Variants in RNF125 observed in about 807,000 individuals in gnomAD.
RNF125 encodes the protein ring finger protein 125.
A neutral mutation model predicts 26.0 loss-of-function variants in RNF125; 21 were observed. The ratio of observed to expected loss-of-function variants is 0.81; its 90% CI spans 0.57 to 1.16. RNF125 has a LOEUF of 1.16. RNF125 is among the 50% of genes most tolerant of loss of function. The pLI is 0.00. For missense variants in RNF125, 270 were observed against 299.4 expected (o/e 0.90, Z 0.72); for synonymous variants, 95 against 109.2 (o/e 0.87, Z 0.81).
rs1241943131 is a variant in RNF125, at chr18:32,071,969, A to G, written c.*3585A>G. 6.6e-6 allele frequency: 1 copy of G among 152,170 alleles called. No homozygotes were observed. The highest frequency in any genetic ancestry group is 1.5e-5 in the Non-Finnish European group (1 of 68,050). The allele number at this position is 152,170 out of a possible 1,614,324, so 9.4% of individuals were successfully genotyped here. The stretch of plus-strand genomic sequence containing the variant: ...GGAGGCTGAGGTGGAGGGTCTCATG[A>G]GCCCAGGAGTTCAAGACCAACCTGG... On this transcript the variant is annotated 3_prime_UTR_variant, in exon 6 of 6. Coordinates refer to ENST00000217740, the MANE Select transcript of RNF125 (RefSeq NM_017831.4).
the RNF125 span, among the ~76,000 whole-genome samples, chr18:32,089,248 G>C: frequency 6.6e-6 from 1 of 152,150 alleles, no homozygotes; most frequent in African/African-American, 2.4e-5. Flanking sequence ...AAATTAGTCT[G>C]GCTAAAGAAA....
At chr18:32,035,917 C>G (rs2039147910) in intron 1 of RNF125, among the ~76,000 whole-genome samples, 1 of 152,154 alleles carries the variant, frequency 6.6e-6, no homozygotes, top group Non-Finnish European at 1.5e-5. Context: ...CTTTGGGAGG[C>G]TGAGGCAGGT....
In RNF125 at chr18:32,072,537, C is replaced by T. The variant is rs2039542253; in HGVS notation, c.*4153C>T. ...TGGATTCCTTTTATGATAATTTTGC[C>T]ACCTACAGGACAGATTAGGTGCTGG... On this transcript the variant is annotated 3_prime_UTR_variant, in exon 6 of 6. Coordinates refer to ENST00000217740, the MANE Select transcript of RNF125 (RefSeq NM_017831.4). 6.6e-6 allele frequency: 1 copy of T among 152,154 alleles called. No homozygotes were observed. The highest frequency in any genetic ancestry group is 6.5e-5 in the Admixed American group (1 of 15,270). The allele number at this position is 152,154 out of a possible 1,614,324, so 9.4% of individuals were successfully genotyped here. A position where few individuals can be genotyped will look rare whatever the true frequency, so the allele number is the denominator to read the frequency against.
rs999273201 is a variant in RNF125, at chr18:32,019,107, G to C, written c.164+80G>C. ...AAGCTGAGGGCATGGTGTGGGGAAG[G>C]AGGGGGACGGAAGACAGCCTCTTAG... On this transcript the variant is annotated intron_variant, in intron 1 of 5. Coordinates refer to ENST00000217740, the MANE Select transcript of RNF125 (RefSeq NM_017831.4). 5.9e-6 allele frequency: 9 copies of C among 1,530,016 alleles called. 1 individual carries two copies. Among genetic ancestry groups the C allele is most frequent in the South Asian group, 4.7e-5 (4 of 85,334 alleles). The allele number at this position is 1,530,016 out of a possible 1,614,324, so 94.8% of individuals were successfully genotyped here. A position where few individuals can be genotyped will look rare whatever the true frequency, so the allele number is the denominator to read the frequency against.
chr18:32,085,026 C>T, the RNF125 span, among the ~76,000 whole-genome samples: 1 of 152,134 alleles, frequency 6.6e-6, no homozygotes, highest in South Asian at 2.1e-4. Flanking sequence ...AGAATTTAAG[C>T]TTACAATGAA....
intron 4 of RNF125, among the ~76,000 whole-genome samples, chr18:32,054,086 C>CT (rs35616121): frequency 0.1 from 9,154 of 88,338 alleles, 759 homozygotes; most frequent in Non-Finnish European, 0.13. Flanking sequence ...GACATTTGTA[C>CT]TTTTTTTTTT....
the RNF125 span, among the ~76,000 whole-genome samples, chr18:32,085,840 A>T: frequency 6.9e-6 from 1 of 145,744 alleles, no homozygotes; most frequent in African/African-American, 2.8e-5. Context: ...GAAACAGTTT[A>T]TAAGAGTCAG....
intron 5 of RNF125, among the ~76,000 whole-genome samples, chr18:32,067,906 G>A (rs8086733): frequency 0.53 from 80,038 of 152,068 alleles, 21,452 homozygotes; most frequent in East Asian, 0.7. Flanking sequence ...TTCTTCAGAA[G>A]TAGCCATTCA....
At chr18:32,055,254 G>A (rs567078189) in intron 4 of RNF125, among the ~76,000 whole-genome samples, 1 of 150,218 alleles carries the variant, frequency 6.7e-6, no homozygotes, top group Non-Finnish European at 1.5e-5. Context: ...AGCTATGATG[G>A]CACCGCTGCA....
chr18:32,023,091 C>T (rs951917893), intron 1 of RNF125, among the ~76,000 whole-genome samples: 1 of 152,132 alleles, frequency 6.6e-6, no homozygotes, highest in East Asian at 1.9e-4. Flanking sequence ...CAGCAATCCT[C>T]CTGCCTCAGC....
chr18:32,077,192 AAC>A (rs548568897), downstream of RNF125, among the ~76,000 whole-genome samples: 200 of 152,300 alleles, frequency 1.3e-3, no homozygotes, highest in Admixed American at 2.1e-3. Context: ...GTGTGATGAT[AAC>A]ACACATATAA....
intron 4 of RNF125, among the ~76,000 whole-genome samples, chr18:32,055,395 A>G (rs1467885924): frequency 6.6e-6 from 1 of 152,158 alleles, no homozygotes; most frequent in East Asian, 1.9e-4. Context: ...ACACTGCTAT[A>G]AAGAACTGCC....
chr18:32,083,155 AGTT>A, the RNF125 span, among the ~76,000 whole-genome samples: 1 of 152,136 alleles, frequency 6.6e-6, no homozygotes, highest in African/African-American at 2.4e-5. Flanking sequence ...TTTTCATTGT[AGTT>A]GTATTTGCTC....
chr18:32,056,882 T>A (rs2039390737), intron 4 of RNF125, among the ~76,000 whole-genome samples: 1 of 152,184 alleles, frequency 6.6e-6, no homozygotes, highest in South Asian at 2.1e-4. Context: ...CTCAAGCTTA[T>A]ACATAATAGA....
chr18:32,041,662 G>T (rs1266310845), intron 2 of RNF125, among the ~76,000 whole-genome samples: 81 of 103,900 alleles, frequency 7.8e-4, no homozygotes, highest in African/African-American at 3.0e-3. Context: ...ACGGAGTCTC[G>T]CTCTGTCGCC....
At chr18:32,075,606 T>C (rs2144528973), downstream of RNF125, among the ~76,000 whole-genome samples, 1 of 150,050 alleles carries the variant, frequency 6.7e-6, no homozygotes, top group African/African-American at 2.4e-5. Flanking sequence ...GGCAGGAAAA[T>C]TGCTTGAACC....
At chr18:32,090,601 T>C in the RNF125 span, among the ~76,000 whole-genome samples, 1 of 152,236 alleles carries the variant, frequency 6.6e-6, no homozygotes, top group African/African-American at 2.4e-5. Flanking sequence ...ATATTTCTAA[T>C]CATTCCATTT....
chr18:32,060,663 G>T (rs553048186), intron 4 of RNF125, among the ~76,000 whole-genome samples: 1 of 152,284 alleles, frequency 6.6e-6, no homozygotes, highest in East Asian at 1.9e-4. Flanking sequence ...GTAATCTTCA[G>T]TCTGTCTCTC....
chr18:32,082,565 G>A, the RNF125 span, among the ~76,000 whole-genome samples: 1 of 152,142 alleles, frequency 6.6e-6, no homozygotes, highest in African/African-American at 2.4e-5. Flanking sequence ...TATAAAGTTT[G>A]TCAAACAGAG....
Sources: gnomAD v4.1 joint callset for allele counts (sites outside exome capture counted in the v4.1 genomes callset) on GRCh38, gnomAD v4.1.1 for gene constraint, MANE v1.5 for transcripts, NCBI Gene and HGNC (gene_info 2026-07-23, HGNC 2026-07-21) for gene names.